NAA11: variants seen among roughly 807,000 people sequenced by gnomAD.
NAA11 encodes N-alpha-acetyltransferase 11.
Under a neutral mutation model 16.1 loss-of-function variants are expected in NAA11, and 15 were observed. The ratio of observed to expected loss-of-function variants is 0.93; its 90% confidence interval spans 0.62 to 1.44. The LOEUF is 1.44. Ranked by LOEUF, NAA11 falls within the 40% of genes most tolerant of loss-of-function variation. NAA11 has a pLI of 0.00. For missense variants in NAA11, 298 were observed against 291.3 expected (o/e 1.02, Z -0.17); for synonymous variants, 122 against 112.4 (o/e 1.09, Z -0.54).
intron 2 of NAA11, among the ~76,000 whole-genome samples, chr4:79,269,223 G>A (rs1722424804): frequency 1.3e-5 from 2 of 148,442 alleles, no homozygotes; most frequent in Non-Finnish European, 1.5e-5. Flanking sequence ...ACCCAGTAAT[G>A]GGATGGCTGG....
chr4:79,193,039 T>C, the NAA11 span, among the ~76,000 whole-genome samples: 5 of 152,184 alleles, frequency 3.3e-5, no homozygotes, highest in African/African-American at 7.2e-5. Context: ...TTGAGAAGTG[T>C]CTGTTCATAT....
the NAA11 span, among the ~76,000 whole-genome samples, chr4:79,181,772 C>G: frequency 6.6e-6 from 1 of 152,178 alleles, no homozygotes; most frequent in Non-Finnish European, 1.5e-5. Context: ...ACTGATTTTA[C>G]ATTAAAATCT....
At chr4:79,173,924 T>C in the NAA11 span, among the ~76,000 whole-genome samples, 1 of 152,096 alleles carries the variant, frequency 6.6e-6, no homozygotes, top group Non-Finnish European at 1.5e-5. Flanking sequence ...GTAATGACAG[T>C]GAGGCCTTTG....
the NAA11 span, among the ~76,000 whole-genome samples, chr4:79,175,836 G>A: frequency 6.7e-6 from 1 of 150,158 alleles, no homozygotes; most frequent in African/African-American, 2.5e-5. Context: ...CTAATGTAAT[G>A]TGAGTTCACA....
the NAA11 span, among the ~76,000 whole-genome samples, chr4:79,163,677 A>G: frequency 2.6e-5 from 4 of 152,192 alleles, no homozygotes; most frequent in African/African-American, 4.8e-5. Flanking sequence ...TTCTGTATTT[A>G]AAGGTGGATG....
chr4:79,270,062 T>C (rs1469877636), intron 2 of NAA11, among the ~76,000 whole-genome samples: 6 of 151,192 alleles, frequency 4.0e-5, no homozygotes, highest in Admixed American at 2.0e-4. Context: ...CATTGATCTA[T>C]ATCTCTGTTT....
At chr4:79,298,348 G>T (rs1723286333) in intron 1 of NAA11, among the ~76,000 whole-genome samples, 1 of 152,218 alleles carries the variant, frequency 6.6e-6, no homozygotes, top group African/African-American at 2.4e-5. Context: ...CATGTCCCTT[G>T]CTTGCCAGGT....
At chr4:79,219,624 C>T in the NAA11 span, among the ~76,000 whole-genome samples, 1 of 151,870 alleles carries the variant, frequency 6.6e-6, no homozygotes, top group Non-Finnish European at 1.5e-5. Flanking sequence ...ATAGAAATGC[C>T]AAACAAACTG....
chr4:79,167,252 C>T, the NAA11 span, among the ~76,000 whole-genome samples: 1 of 107,862 alleles, frequency 9.3e-6, no homozygotes, highest in Non-Finnish European at 1.8e-5. Flanking sequence ...CACACACACC[C>T]ACATATATAT....
intron 2 of NAA11, among the ~76,000 whole-genome samples, chr4:79,257,347 T>C (rs929584282): frequency 6.6e-6 from 1 of 152,098 alleles, no homozygotes; most frequent in Non-Finnish European, 1.5e-5. Flanking sequence ...GTGTAGGTCA[T>C]TTTGTTTCAA....
chr4:79,160,651 T>G, the NAA11 span, among the ~76,000 whole-genome samples: 44 of 152,374 alleles, frequency 2.9e-4, no homozygotes, highest in African/African-American at 1.0e-3. Flanking sequence ...GCTGTTGGTA[T>G]ATCTTTGGAG....
At chr4:79,303,354 C>G (rs1723468963) in intron 1 of NAA11, among the ~76,000 whole-genome samples, 1 of 151,892 alleles carries the variant, frequency 6.6e-6, no homozygotes, top group South Asian at 2.1e-4. Flanking sequence ...GGGTCTTGCT[C>G]TGTCGCTCAG....
At chr4:79,172,173 G>A in the NAA11 span, among the ~76,000 whole-genome samples, 9 of 151,724 alleles carry the variant, frequency 5.9e-5, no homozygotes, top group East Asian at 7.7e-4. Flanking sequence ...TCACTTATAC[G>A]TTGGAAAAAC....
chr4:79,204,788 C>T, the NAA11 span, among the ~76,000 whole-genome samples: 1 of 151,838 alleles, frequency 6.6e-6, no homozygotes, highest in Non-Finnish European at 1.5e-5. Flanking sequence ...GCTTAGCTCC[C>T]ATTTATAAGA....
chr4:79,286,028 AT>A (rs1377968765), intron 2 of NAA11, among the ~76,000 whole-genome samples: 2 of 152,030 alleles, frequency 1.3e-5, no homozygotes, highest in African/African-American at 4.8e-5. Flanking sequence ...ATGAGAAGTG[AT>A]TTCTGCTTCC....
rs1724137622 is a variant in NAA11, at chr4:79,322,829, T to C, written c.*12+2347A>G. Among the ~76,000 whole-genome samples the C allele has an allele frequency of 2.0e-5, 3 of 152,172 alleles. No homozygotes were observed. In the South Asian group the frequency reaches 6.2e-4, roughly 32 times the overall value. Reference sequence around the variant, plus strand: ...AATCAGTCACTGTGAAACTTTCAGGTTATTAAAAGTCAGATGCAAAATCTC... The same window carrying C: ...AATCAGTCACTGTGAAACTTTCAGGCTATTAAAAGTCAGATGCAAAATCTC... On this transcript the variant is annotated intron_variant, in intron 1 of 1. Coordinates refer to ENST00000286794, the MANE Select transcript of NAA11 (RefSeq NM_032693.3).
At chr4:79,240,968 C>T (rs935929296) in intron 2 of NAA11, among the ~76,000 whole-genome samples, 2 of 152,140 alleles carry the variant, frequency 1.3e-5, no homozygotes, top group Admixed American at 6.5e-5. Flanking sequence ...GGTAAAGAAT[C>T]GTCAACCAGC....
At chr4:79,223,831 TG>T (rs1305633968), downstream of NAA11, among the ~76,000 whole-genome samples, 17 of 152,130 alleles carry the variant, frequency 1.1e-4, no homozygotes, top group Admixed American at 9.8e-4. Flanking sequence ...TTTTGGGGTT[TG>T]CTCCTTTATC....
In NAA11 at chr4:79,295,612, T is replaced by C. The variant is rs528801838; in HGVS notation, c.*13-1498A>G. ...TATCCCCCCAAACCGTAATATCCCC[T>C]GTGCTAAACACTGGGAAATTGTATT... On this transcript the variant is annotated intron_variant and NMD_transcript_variant, in intron 1 of 2. Transcript: ENST00000511542. Among the ~76,000 whole-genome samples, 34 of 152,140 alleles carry C rather than the reference T, an allele frequency of 2.2e-4. 1 individual carries two copies. In the East Asian group the frequency reaches 6.6e-3, roughly 29 times the overall value.
Sources: allele counts gnomAD v4.1 joint callset (sites outside exome capture counted in the v4.1 genomes callset), GRCh38; gene constraint gnomAD v4.1.1; transcripts MANE v1.5; gene names NCBI Gene and HGNC (gene_info 2026-07-23, HGNC 2026-07-21).